ABCC4: variants seen among roughly 807,000 people sequenced by gnomAD.
ABCC4 encodes the protein ATP binding cassette subfamily C member 4 (PEL blood group), also known as ATP-binding cassette sub-family C member 4.
Under a neutral mutation model 168.5 loss-of-function variants are expected in ABCC4, and 102 were observed. The observed-to-expected ratio is 0.61, with a 90% CI of 0.52 to 0.71. The LOEUF is 0.71. Ranked by LOEUF, ABCC4 falls within the 30% of genes least tolerant of loss-of-function variation. The pLI, the probability that ABCC4 is intolerant of heterozygous loss-of-function variation, is 0.00. For synonymous variants in ABCC4, 617 were observed against 590.7 expected (o/e 1.04, Z -0.65); for missense variants, 1,402 against 1,605.8 (o/e 0.87, Z 2.17).
At chr13:95,234,010 G>A (rs547593490) in intron 4 of ABCC4, among the ~76,000 whole-genome samples, 52 of 152,268 alleles carry the variant, frequency 3.4e-4, no homozygotes, top group South Asian at 1.5e-3. Context: ...TGTATCCGAC[G>A]TGGATTCCAT....
chr13:95,223,152 C>T (rs1292640780), intron 4 of ABCC4, among the ~76,000 whole-genome samples: 1 of 152,178 alleles, frequency 6.6e-6, no homozygotes, highest in Admixed American at 6.5e-5. Flanking sequence ...GCATAAAAAA[C>T]AGGCCTATGA....
At chr13:95,286,881 C>T (rs2138936340) in intron 1 of ABCC4, among the ~76,000 whole-genome samples, 1 of 148,532 alleles carries the variant, frequency 6.7e-6, no homozygotes, top group East Asian at 2.0e-4. Context: ...TGCTTGAACC[C>T]CGAGGCAGAG....
intron 19 of ABCC4, among the ~76,000 whole-genome samples, chr13:95,153,149 T>C (rs1306495300): frequency 6.6e-6 from 1 of 152,228 alleles, no homozygotes; most frequent in Non-Finnish European, 1.5e-5. Flanking sequence ...AACTAAGTCA[T>C]GAAGATACTT....
At chr13:95,226,700 T>C (rs774564872) in intron 4 of ABCC4, among the ~76,000 whole-genome samples, 1 of 152,164 alleles carries the variant, frequency 6.6e-6, no homozygotes, top group South Asian at 2.1e-4. Context: ...GAGGACTTCA[T>C]GGAGTCTTCT....
chr13:95,170,504 G>C (rs780894341), intron 14 of ABCC4, 28 bp downstream of exon 14: 4 of 1,489,704 alleles, frequency 2.7e-6, no homozygotes, highest in Non-Finnish European at 3.7e-6. Flanking sequence ...GTACTTGCAA[G>C]TTCGGGAGAC....
intron 25 of ABCC4, among the ~76,000 whole-genome samples, chr13:95,066,127 T>C (rs1422483147): frequency 6.6e-6 from 1 of 152,256 alleles, no homozygotes; most frequent in Non-Finnish European, 1.5e-5. Context: ...TGCCCTTGTA[T>C]GCTCAGAGAT....
intron 15 of ABCC4, among the ~76,000 whole-genome samples, chr13:95,165,014 G>A (rs1473619324): frequency 6.6e-6 from 1 of 152,038 alleles, no homozygotes; most frequent in Non-Finnish European, 1.5e-5. Context: ...CTAATCCTTG[G>A]ACCCAGCCAT....
rs1182416803 is a variant in ABCC4, at chr13:95,166,331, G to A, written c.1861C>T (p.Leu621=). The change falls in exon 15 of 31, where the codon CTA becomes TTA. Residue 621 remains leucine, a synonymous_variant. Coordinates refer to ENST00000645237, the MANE Select transcript of ABCC4 (RefSeq NM_005845.5). The part of the protein sequence containing the change: ...MVQKGTYTEF[L]KSGIDFGSLL... ...GAGCCAAAATCTATACCAGATTTTAGGAACTCAGTGTAAGTCCCCTTCTGC... is the reference window on the plus strand; with the variant it reads ...GAGCCAAAATCTATACCAGATTTTAAGAACTCAGTGTAAGTCCCCTTCTGC... 6.2e-7 allele frequency: 1 copy of A among 1,613,398 alleles called. No individual in the cohort carries two copies. Among genetic ancestry groups the A allele is most frequent in the Non-Finnish European group, 8.5e-7 (1 of 1,180,010 alleles).
intron 26 of ABCC4, 22 bp from the exon 27 acceptor site, chr13:95,053,206 G>A (rs749894222): frequency 5.1e-6 from 8 of 1,575,258 alleles, no homozygotes; most frequent in East Asian, 4.5e-5. Flanking sequence ...AAATAGTCAC[G>A]GTCATTACCA....
chr13:95,077,683 A>G (rs1289901612), intron 21 of ABCC4, among the ~76,000 whole-genome samples: 4 of 144,340 alleles, frequency 2.8e-5, no homozygotes, highest in East Asian at 2.2e-4. Flanking sequence ...TAAAATGATG[A>G]GGGGGTAGGG....
intron 26 of ABCC4, among the ~76,000 whole-genome samples, chr13:95,057,141 A>G (rs1189442): frequency 0.79 from 120,679 of 151,918 alleles, 48,011 homozygotes; most frequent in South Asian, 0.88. Context: ...CATACATTTC[A>G]GCTAACTATT....
intron 1 of ABCC4, among the ~76,000 whole-genome samples, chr13:95,266,423 T>C (rs961168772): frequency 3.3e-5 from 5 of 152,190 alleles, no homozygotes; most frequent in African/African-American, 1.2e-4. Context: ...ACAGCCTGGA[T>C]TTTTTACCTT....
chr13:95,062,524 G>T (rs1310441119), intron 26 of ABCC4, among the ~76,000 whole-genome samples, 180 bp downstream of exon 26: 5 of 94,284 alleles, frequency 5.3e-5, no homozygotes, highest in Non-Finnish European at 1.2e-4. Flanking sequence ...AGAGAGAAAT[G>T]AACAAAGCTG....
intron 20 of ABCC4, among the ~76,000 whole-genome samples, chr13:95,088,706 C>A (rs2034335691): frequency 6.6e-6 from 1 of 151,868 alleles, no homozygotes; most frequent in African/African-American, 2.4e-5. Context: ...AGGACTGCAA[C>A]TAATGCTGTT....
At chr13:95,187,098 G>A (rs1257746620) in intron 10 of ABCC4, among the ~76,000 whole-genome samples, 2 of 152,270 alleles carry the variant, frequency 1.3e-5, no homozygotes, top group Admixed American at 6.5e-5. Context: ...AAAATAGAGT[G>A]TAACAATCTA....
chr13:95,049,627 TGAGA>T (rs1468379517), intron 27 of ABCC4, among the ~76,000 whole-genome samples: 1 of 151,098 alleles, frequency 6.6e-6, no homozygotes, highest in African/African-American at 2.4e-5. Flanking sequence ...GATGACAGAG[TGAGA>T]CTCTGTCTCA....
In ABCC4 at chr13:95,247,049, G is replaced by A. The variant is rs11568689; in HGVS notation, c.232C>T (p.Pro78Ser). The A allele has an allele frequency of 1.2e-5, 20 of 1,612,986 alleles. No individual in the cohort carries two copies. The highest frequency in any genetic ancestry group is 1.2e-4 in the South Asian group (11 of 91,024). The change falls in exon 3 of 31, where the codon CCT becomes TCT. Residue 78 changes from proline to serine, a missense_variant. Coordinates refer to ENST00000645237, the MANE Select transcript of ABCC4 (RefSeq NM_005845.5). ...VLRAENDAQK[P>S]SLTRAIIKCY... Reference sequence around the variant, plus strand: ...TTTATGATTGCTCTTGTTAAAGAAGGCTTCTGTGCGTCATTCTCAGCTCTT... The same window carrying A: ...TTTATGATTGCTCTTGTTAAAGAAGACTTCTGTGCGTCATTCTCAGCTCTT...
At chr13:95,171,628 C>T (rs2037481681) in intron 13 of ABCC4, among the ~76,000 whole-genome samples, 1 of 151,530 alleles carries the variant, frequency 6.6e-6, no homozygotes, top group African/African-American at 2.4e-5. Context: ...GGGCCAAGAA[C>T]ATAACTCATG....
At chr13:95,262,020 C>T (rs1219319933) in intron 1 of ABCC4, among the ~76,000 whole-genome samples, 4 of 152,176 alleles carry the variant, frequency 2.6e-5, no homozygotes, top group East Asian at 1.9e-4. Context: ...AGGAGGAATG[C>T]TTGAGCCCAG....
Sources: gnomAD v4.1 joint callset for allele counts (sites outside exome capture counted in the v4.1 genomes callset) on GRCh38, gnomAD v4.1.1 for gene constraint, MANE v1.5 for transcripts, NCBI Gene and HGNC (gene_info 2026-07-23, HGNC 2026-07-21) for gene names.